ACTR3C: variants seen among roughly 807,000 people sequenced by gnomAD.
ACTR3C encodes actin related protein 3C.
A neutral mutation model predicts 26.3 loss-of-function variants in ACTR3C; 18 were observed. The ratio of observed to expected loss-of-function variants is 0.68; its 90% CI spans 0.47 to 1.01. The LOEUF (loss-of-function observed/expected upper bound fraction) is 1.01. ACTR3C is among the 50% of genes least tolerant of loss of function. ACTR3C has a pLI of 0.00. For missense variants in ACTR3C, 184 were observed against 250.7 expected, an observed-to-expected ratio of 0.73 and a Z score of 1.80; for synonymous variants, 55 against 94.5, an observed-to-expected ratio of 0.58 and a Z score of 2.42.
chr7:150,139,532 T>C, the ACTR3C span, among the ~76,000 whole-genome samples: 2 of 152,410 alleles, frequency 1.3e-5, no homozygotes, highest in Admixed American at 6.5e-5. Context: ...ACACCATTGT[T>C]CTTAACAGTG....
At chr7:150,030,598 T>G in the ACTR3C span, among the ~76,000 whole-genome samples, 1 of 152,200 alleles carries the variant, frequency 6.6e-6, no homozygotes, top group Non-Finnish European at 1.5e-5. Context: ...AATAAAATCT[T>G]TATTGTACAA....
intron 6 of ACTR3C, among the ~76,000 whole-genome samples, chr7:150,255,242 A>ATTTTTTTTTTTTTTTTTTT (rs745713614): frequency 1.2e-5 from 1 of 85,600 alleles, no homozygotes; most frequent in Non-Finnish European, 2.3e-5. Context: ...TTTGTAGGGG[A>ATTTTTTTTTTTTTTTTTTT]TTTTTTTTTT....
At chr7:150,150,211 T>G in the ACTR3C span, among the ~76,000 whole-genome samples, 194 of 152,316 alleles carry the variant, frequency 1.3e-3, no homozygotes, top group African/African-American at 4.4e-3. Flanking sequence ...TTCCATGCCC[T>G]GGTGAGCAGT....
At chr7:150,038,697 C>T in the ACTR3C span, among the ~76,000 whole-genome samples, 55 of 142,330 alleles carry the variant, frequency 3.9e-4, 6 homozygotes, top group East Asian at 6.0e-4. Flanking sequence ...GGACACCTAA[C>T]ACCCACAGTC....
chr7:150,256,144 G>A (rs192495032), intron 6 of ACTR3C, among the ~76,000 whole-genome samples: 10 of 152,312 alleles, frequency 6.6e-5, no homozygotes, highest in Non-Finnish European at 1.0e-4. Flanking sequence ...TGGAGTGTAC[G>A]TACCACATTT....
At chr7:150,209,349 A>G in the ACTR3C span, among the ~76,000 whole-genome samples, 7 of 150,658 alleles carry the variant, frequency 4.6e-5, no homozygotes, top group Non-Finnish European at 7.4e-5. Flanking sequence ...AAGCAGGGAA[A>G]TATTTGCAGA....
the ACTR3C span, among the ~76,000 whole-genome samples, chr7:150,034,209 G>A: frequency 1.3e-5 from 2 of 151,888 alleles, no homozygotes; most frequent in African/African-American, 4.8e-5. Context: ...TTACTAGCAG[G>A]GCAGTTGCTG....
the ACTR3C span, among the ~76,000 whole-genome samples, chr7:149,973,190 C>CT: frequency 5.9e-5 from 9 of 152,220 alleles, no homozygotes; most frequent in African/African-American, 2.2e-4. Flanking sequence ...GCACCTGGTG[C>CT]TAGCCTACTG....
the ACTR3C span, among the ~76,000 whole-genome samples, chr7:150,014,894 T>G: frequency 7.2e-5 from 11 of 151,930 alleles, no homozygotes; most frequent in African/African-American, 2.7e-4. Flanking sequence ...CCAAAAGCCA[T>G]GCTTTCCTCT....
the ACTR3C span, among the ~76,000 whole-genome samples, chr7:150,086,450 C>G: frequency 6.6e-6 from 1 of 152,128 alleles, no homozygotes; most frequent in Non-Finnish European, 1.5e-5. Context: ...TGGGCTCAGT[C>G]AGAAATTCCC....
At chr7:150,066,025 AAAT>A in the ACTR3C span, among the ~76,000 whole-genome samples, 1 of 152,234 alleles carries the variant, frequency 6.6e-6, no homozygotes, top group African/African-American at 2.4e-5. Flanking sequence ...AATAATCACA[AAAT>A]AATAATTAAA....
chr7:150,209,722 T>TAC, the ACTR3C span, among the ~76,000 whole-genome samples: 47,394 of 128,948 alleles, frequency 0.37, 8,746 homozygotes, highest in Admixed American at 0.44. Flanking sequence ...CTACTAAAAA[T>TAC]ACACACACAC....
chr7:150,050,632 C>G, the ACTR3C span, among the ~76,000 whole-genome samples: 5 of 151,962 alleles, frequency 3.3e-5, no homozygotes, highest in African/African-American at 1.2e-4. Flanking sequence ...AAAGAGCGAG[C>G]GTCTGAAAGA....
At chr7:150,178,150 T>C in the ACTR3C span, among the ~76,000 whole-genome samples, 2 of 150,608 alleles carry the variant, frequency 1.3e-5, no homozygotes, top group African/African-American at 5.0e-5. Flanking sequence ...GCATTAGTGA[T>C]ACAGCATTTC....
the ACTR3C span, among the ~76,000 whole-genome samples, chr7:150,030,878 C>T: frequency 2.0e-5 from 3 of 152,114 alleles, no homozygotes; most frequent in East Asian, 1.9e-4. Context: ...AGAGCACATG[C>T]GTGTTAACCT....
chr7:149,976,269 AC>A, the ACTR3C span, among the ~76,000 whole-genome samples: 2 of 152,034 alleles, frequency 1.3e-5, no homozygotes, highest in Non-Finnish European at 2.9e-5. Context: ...ATTAAGGAAG[AC>A]CCCTTTGAAA....
the ACTR3C span, among the ~76,000 whole-genome samples, chr7:150,041,840 G>C: frequency 2.1e-5 from 3 of 141,458 alleles, no homozygotes; most frequent in Non-Finnish European, 4.6e-5. Flanking sequence ...AGGGGTGGAA[G>C]AGGGGATAGC....
chr7:150,227,692 TTTTTTTTTG>T, the ACTR3C span, among the ~76,000 whole-genome samples: 1 of 139,770 alleles, frequency 7.2e-6, no homozygotes, highest in African/African-American at 3.0e-5. Flanking sequence ...GTCTGGGTTT[TTTTTTTTTG>T]TTTTTTTTTT....
At chr7:149,883,482 C>T in the ACTR3C span, among the ~76,000 whole-genome samples, 2,571 of 152,274 alleles carry the variant, frequency 0.017, 67 homozygotes, top group African/African-American at 0.058. Flanking sequence ...AGTGGCAGAG[C>T]AGGAAGTGGC....
Sources: allele counts gnomAD v4.1 joint callset (sites outside exome capture counted in the v4.1 genomes callset), GRCh38; gene constraint gnomAD v4.1.1; transcripts MANE v1.5; gene names NCBI Gene and HGNC (gene_info 2026-07-23, HGNC 2026-07-21).